Variants in SLC8A1 observed in about 807,000 individuals in gnomAD.
The protein encoded by SLC8A1 is sodium/calcium exchanger 1.
A neutral mutation model predicts 68.3 loss-of-function variants in SLC8A1; 18 were observed. That is an observed-to-expected ratio of 0.26 (90% CI 0.18 to 0.39). The LOEUF is 0.39. SLC8A1 is among the 10% of genes least tolerant of loss of function. The pLI is 1.00. For missense variants in SLC8A1, 985 were observed against 1,156.7 expected (o/e 0.85, Z 2.15); for synonymous variants, 475 against 415.5 (o/e 1.14, Z -1.74).
chr2:40,364,331 T>C (rs528977025), intron 2 of SLC8A1, among the ~76,000 whole-genome samples: 1 of 152,096 alleles, frequency 6.6e-6, no homozygotes, highest in South Asian at 2.1e-4. Context: ...CTCACTGGAA[T>C]TGTGCAATCA....
At chr2:40,167,303 C>T (rs867703317) in intron 4 of SLC8A1, among the ~76,000 whole-genome samples, 1 of 152,118 alleles carries the variant, frequency 6.6e-6, no homozygotes, top group African/African-American at 2.4e-5. Flanking sequence ...AGGTGTAGAG[C>T]ACTTGCCATC....
intron 2 of SLC8A1, among the ~76,000 whole-genome samples, chr2:40,237,956 G>C (rs1019529292): frequency 6.6e-6 from 1 of 151,470 alleles, no homozygotes. Context: ...GAGGCAGTCT[G>C]CCCGTTCTCA....
At chr2:40,133,397 G>GTT (rs2039803927) in intron 7 of SLC8A1, among the ~76,000 whole-genome samples, 1 of 127,834 alleles carries the variant, frequency 7.8e-6, no homozygotes, top group Non-Finnish European at 1.7e-5. Context: ...AAATTGGGGG[G>GTT]GGGGGGGGTG....
chr2:40,278,652 G>A (rs1322888747), intron 2 of SLC8A1, among the ~76,000 whole-genome samples: 1 of 152,050 alleles, frequency 6.6e-6, no homozygotes, highest in African/African-American at 2.4e-5. Flanking sequence ...GGAGGCTAAG[G>A]GCATTGTGGT....
At chr2:40,482,964 T>C (rs1392746944) in intron 1 of SLC8A1, among the ~76,000 whole-genome samples, 1 of 150,228 alleles carries the variant, frequency 6.7e-6, no homozygotes, top group Non-Finnish European at 1.5e-5. Context: ...CTTTTTTTTT[T>C]TTTTTTCTTT....
intron 2 of SLC8A1, among the ~76,000 whole-genome samples, chr2:40,426,353 C>T (rs1180292874): frequency 6.6e-6 from 1 of 151,934 alleles, no homozygotes; most frequent in Non-Finnish European, 1.5e-5. Flanking sequence ...TCACCAACTC[C>T]ACCAATGTTT....
rs562349955 is a variant in SLC8A1, at chr2:40,210,781, T to A, written c.1809-32926A>T. Among the ~76,000 whole-genome samples the A allele has an allele frequency of 1.1e-4, 16 of 152,352 alleles. No homozygotes were observed. In the South Asian group the frequency reaches 3.3e-3, roughly 32 times the overall value. ...CCTTTAGATTCCCTACTCTTCTGAA[T>A]TGCTTCTCATCAGCTCTCTCTTTAT... On this transcript the variant is annotated intron_variant, in intron 2 of 7. Coordinates refer to ENST00000406785, the Ensembl canonical transcript of SLC8A1.
At chr2:40,463,841 C>CACACACAT (rs1418154060) in intron 1 of SLC8A1, among the ~76,000 whole-genome samples, 394 of 38,270 alleles carry the variant, frequency 0.01, no homozygotes, top group African/African-American at 0.036. Flanking sequence ...CACACACATA[C>CACACACAT]ACACACACAC....
At chr2:40,358,774 TC>T (rs1673571484) in intron 2 of SLC8A1, among the ~76,000 whole-genome samples, 1 of 152,192 alleles carries the variant, frequency 6.6e-6, no homozygotes, top group African/African-American at 2.4e-5. Context: ...AGGTTTTTTG[TC>T]TATTAAACAG....
At chr2:40,256,904 G>C (rs1200339246) in intron 2 of SLC8A1, among the ~76,000 whole-genome samples, 1 of 152,144 alleles carries the variant, frequency 6.6e-6, no homozygotes, top group East Asian at 1.9e-4. Context: ...TGAAACTTGA[G>C]AGGGGAGAAT....
At chr2:40,342,442 G>C (rs1458582188) in intron 2 of SLC8A1, among the ~76,000 whole-genome samples, 1 of 152,112 alleles carries the variant, frequency 6.6e-6, no homozygotes, top group South Asian at 2.1e-4. Context: ...GATAATTAGA[G>C]TGGGATTTGT....
intron 2 of SLC8A1, among the ~76,000 whole-genome samples, chr2:40,392,033 A>G (rs1014766050): frequency 6.8e-6 from 1 of 147,910 alleles, no homozygotes; most frequent in African/African-American, 2.6e-5. Context: ...CTTCTCTTAA[A>G]AAAACAAACA....
intron 1 of SLC8A1, among the ~76,000 whole-genome samples, chr2:40,503,003 G>C (rs1706141262): frequency 6.6e-6 from 1 of 151,648 alleles, no homozygotes; most frequent in Non-Finnish European, 1.5e-5. Context: ...CTGGAAAGAG[G>C]GATAAAGGGG....
intron 2 of SLC8A1, among the ~76,000 whole-genome samples, chr2:40,186,433 C>A (rs2050718186): frequency 6.6e-6 from 1 of 152,018 alleles, no homozygotes; most frequent in African/African-American, 2.4e-5. Context: ...GAGGAGCAGT[C>A]AGAGAAGATC....
At chr2:40,204,567 G>T (rs981238027) in intron 2 of SLC8A1, among the ~76,000 whole-genome samples, 1 of 151,930 alleles carries the variant, frequency 6.6e-6, no homozygotes, top group African/African-American at 2.4e-5. Context: ...ACATGGATTA[G>T]CCCCATTCTA....
At chr2:40,143,404 G>A (rs1210684486) in intron 6 of SLC8A1, among the ~76,000 whole-genome samples, 1 of 152,132 alleles carries the variant, frequency 6.6e-6, no homozygotes, top group Admixed American at 6.5e-5. Flanking sequence ...TAGGGTTCCT[G>A]GAGGCTACAT....
chr2:40,200,907 G>A (rs1207184473), intron 2 of SLC8A1, among the ~76,000 whole-genome samples: 1 of 151,784 alleles, frequency 6.6e-6, no homozygotes, highest in Non-Finnish European at 1.5e-5. Flanking sequence ...GAGTATGAGT[G>A]AGATTATAAA....
rs1472253674 is a variant in SLC8A1 at position 40,152,045 on chromosome 2, A to G, written c.2161+8720T>C. Among the ~76,000 whole-genome samples the G allele has an allele frequency of 2.6e-5, 4 of 152,226 alleles. No homozygotes were observed. The East Asian group carries it at 7.7e-4, about 29-fold the overall frequency. On this transcript the variant is annotated intron_variant, in intron 6 of 7. Coordinates refer to ENST00000406785, the Ensembl canonical transcript of SLC8A1. ...ATTAAACAGTGTATTTTAAGCACCAAATGTCTTAAGTGACATATTGTGAAG... is the reference window on the plus strand; with the variant it reads ...ATTAAACAGTGTATTTTAAGCACCAGATGTCTTAAGTGACATATTGTGAAG...
At chr2:40,508,700 C>T (rs1706518021) in intron 1 of SLC8A1, among the ~76,000 whole-genome samples, 1 of 152,080 alleles carries the variant, frequency 6.6e-6, no homozygotes, top group African/African-American at 2.4e-5. Context: ...AAAGAATATG[C>T]CGTCGATAAA....
Sources: gnomAD v4.1 joint callset for allele counts (sites outside exome capture counted in the v4.1 genomes callset) on GRCh38, gnomAD v4.1.1 for gene constraint, MANE v1.5 for transcripts, NCBI Gene and HGNC (gene_info 2026-07-23, HGNC 2026-07-21) for gene names.